BCL11B: variants seen among roughly 807,000 people sequenced by gnomAD.
The protein encoded by BCL11B is BCL11 transcription factor B, also known as B-cell lymphoma/leukemia 11B.
Under a neutral mutation model 49.9 loss-of-function variants are expected in BCL11B, and 8 were observed. The ratio of observed to expected loss-of-function variants is 0.16; its 90% CI spans 0.09 to 0.29. The LOEUF (loss-of-function observed/expected upper bound fraction) is 0.29. Ranked by LOEUF, BCL11B falls within the 10% of genes least tolerant of loss-of-function variation. BCL11B has a pLI of 1.00. For synonymous variants in BCL11B, 739 were observed against 637.4 expected, an observed-to-expected ratio of 1.16 and a Z score of -2.40; for missense variants, 1,006 against 1,351.0, an observed-to-expected ratio of 0.74 and a Z score of 4.00.
At chr14:99,216,433 T>C (rs1887836587) in intron 3 of BCL11B, among the ~76,000 whole-genome samples, 1 of 152,206 alleles carries the variant, frequency 6.6e-6, no homozygotes, top group Non-Finnish European at 1.5e-5. Flanking sequence ...GAGTCGGGAT[T>C]TGAACCCAGC....
In BCL11B at chr14:99,174,932, T is replaced by C. The variant is rs1056645820; in HGVS notation, c.1904A>G (p.Asp635Gly). Residue 635 changes from aspartate to glycine, a missense_variant, in exon 4 of 4, where the codon GAC becomes GGC. By Grantham distance (94) the Asp-to-Gly change is moderately conservative. Coordinates refer to ENST00000357195, the MANE Select transcript of BCL11B (RefSeq NM_138576.4). The part of the protein sequence containing the change: ...KRAAGGGDAG[D>G]DDDAGGCGDA... ...CCCGCAGCCGCCCGCGTCGTCGTCG[T>C]CGCCCGCGTCCCCGCCGCCCGCCGC... 55 of 1,330,534 alleles carry C rather than the reference T, an allele frequency of 4.1e-5. No homozygotes were observed. The highest frequency in any genetic ancestry group is 4.7e-5 in the Non-Finnish European group (49 of 1,036,230). 82.4% of individuals were successfully genotyped at this position (1,330,534 alleles called of 1,614,324 possible). A position where few individuals can be genotyped will look rare whatever the true frequency, so the allele number is the denominator to read the frequency against.
intron 2 of BCL11B, among the ~76,000 whole-genome samples, chr14:99,237,395 G>A (rs1014348225): frequency 6.6e-6 from 1 of 152,154 alleles, no homozygotes. Flanking sequence ...ACCATGAAAA[G>A]CTGCAAGTCT....
At position 99,222,558 on chromosome 14, in the gene BCL11B, T is replaced by C. The variant is rs971734664; in HGVS notation, c.640+8787A>G. On this transcript the variant is annotated intron_variant, in intron 3 of 3. Transcript: ENST00000357195. ...AACCCCAAAACCCAATTTGAGGTGA[T>C]CCGATGAGAAAATCTCGCTCATGCT... 2.7e-4 allele frequency among the ~76,000 whole-genome samples: 41 copies of C among 152,302 alleles called. 1 individual carries two copies. The highest frequency in any genetic ancestry group is 1.7e-3 in the Admixed American group (26 of 15,310).
In BCL11B at chr14:99,203,530, C is replaced by T. The variant is rs78304569; in HGVS notation, c.641-27335G>A. 4.2e-3 allele frequency among the ~76,000 whole-genome samples: 639 copies of T among 152,288 alleles called. 17 individuals are homozygous for T. In the East Asian group the frequency reaches 0.083, roughly 20 times the overall value. Reference sequence around the variant, plus strand: ...AGGATGAAGAAAGGAGAAGTGGGTTCGGAATGGGTCCACTGGCTGAGCAGC... The same window carrying T: ...AGGATGAAGAAAGGAGAAGTGGGTTTGGAATGGGTCCACTGGCTGAGCAGC... On this transcript the variant is annotated intron_variant, in intron 3 of 3. Transcript: ENST00000357195.
intron 3 of BCL11B, among the ~76,000 whole-genome samples, chr14:99,180,889 G>T (rs756401353): frequency 1.3e-5 from 2 of 152,114 alleles, no homozygotes; most frequent in Non-Finnish European, 2.9e-5. Context: ...TTTTTATTAT[G>T]ATGCTTGGGA....
At chr14:99,208,218 G>T (rs1353717271) in intron 3 of BCL11B, among the ~76,000 whole-genome samples, 1 of 152,138 alleles carries the variant, frequency 6.6e-6, no homozygotes, top group Non-Finnish European at 1.5e-5. Flanking sequence ...TTGTCCTTTG[G>T]AGTGGCACAA....
chr14:99,237,899 G>T (rs1888551323), intron 2 of BCL11B, among the ~76,000 whole-genome samples: 1 of 152,134 alleles, frequency 6.6e-6, no homozygotes, highest in Non-Finnish European at 1.5e-5. Context: ...GGCCCTAATG[G>T]ATCCAGAGAG....
rs1298473777 is a variant in BCL11B at position 99,247,355 on chromosome 14, G to A, written c.427+10116C>T. ...AGAAAAGAACCCGCTCCAGCCCCAGGAAAACTTAGTTTTGCTGGGTTTACC... is the reference window on the plus strand; with the variant it reads ...AGAAAAGAACCCGCTCCAGCCCCAGAAAAACTTAGTTTTGCTGGGTTTACC... On this transcript the variant is annotated intron_variant, in intron 2 of 3. Transcript: ENST00000357195. This position sits in a 1 kb window ranked among gnomAD's most constrained non-coding sequence, Gnocchi z 4.5. Among the ~76,000 whole-genome samples the A allele has an allele frequency of 6.6e-6, 1 of 152,174 alleles. No homozygotes were observed. Among genetic ancestry groups the A allele is most frequent in the East Asian group, 1.9e-4 (1 of 5,190 alleles).
chr14:99,240,731 G>A (rs1213302053), intron 2 of BCL11B, among the ~76,000 whole-genome samples: 6 of 152,314 alleles, frequency 3.9e-5, no homozygotes, highest in Admixed American at 6.5e-5. Context: ...TAGCGGTGAC[G>A]TGCAGTGCGT....
Position 99,271,223 on chromosome 14 carries a change from C to A in BCL11B, c.-5G>T. On this transcript the variant is annotated 5_prime_UTR_variant, in exon 1 of 4. Coordinates refer to ENST00000357195, the MANE Select transcript of BCL11B (RefSeq NM_138576.4). ...GCCCTGTTTGCGGCGGGACATTGCCCCGGCATCTATTCTGGCATCGCCCGG... is the reference window on the plus strand; with the variant it reads ...GCCCTGTTTGCGGCGGGACATTGCCACGGCATCTATTCTGGCATCGCCCGG... The A allele has an allele frequency of 6.6e-7, 1 of 1,524,938 alleles. No individual in the cohort carries two copies. Among genetic ancestry groups the A allele is most frequent in the Non-Finnish European group, 8.8e-7 (1 of 1,141,080 alleles). The allele number at this position is 1,524,938 out of a possible 1,614,324, so 94.5% of individuals were successfully genotyped here.
rs1886488700 is a variant in BCL11B, at chr14:99,175,643, C to T, written c.1193G>A (p.Ser398Asn). The T allele has an allele frequency of 6.4e-7, 1 of 1,560,686 alleles. No individual in the cohort carries two copies. The highest frequency in any genetic ancestry group is 8.6e-7 in the Non-Finnish European group (1 of 1,162,930). ...MHRLLNPFQP[S>N]PKSPFLSTPP... ...CGTGCTCAGGAACGGGGACTTGGGG[C>T]TGGGCTGGAAGGGGTTCAGGAGCCG... The change falls in exon 4 of 4, where the codon AGC (serine) becomes AAC (asparagine). Residue 398 changes from serine to asparagine, a missense_variant. This residue lies in a region of BCL11B where 97 missense variants were observed against 81.5 expected (regional missense o/e 1.19). Coordinates refer to ENST00000357195, the MANE Select transcript of BCL11B (RefSeq NM_138576.4).
intron 3 of BCL11B, among the ~76,000 whole-genome samples, chr14:99,212,986 A>G (rs1887730481): frequency 6.6e-6 from 1 of 152,172 alleles, no homozygotes; most frequent in African/African-American, 2.4e-5. Context: ...CTGGGAGGAT[A>G]AAATAACATC....
rs759599743 is a variant in BCL11B, at chr14:99,199,683, T to TGTGTGTGTGTGC, written c.641-23489_641-23488insGCACACACACAC. Among the ~76,000 whole-genome samples the TGTGTGTGTGTGC allele has an allele frequency of 1.2e-4, 9 of 73,742 alleles. No individual in the cohort carries two copies. In the South Asian group the frequency reaches 1.7e-3, roughly 14 times the overall value. 48.4% of individuals were successfully genotyped at this position (73,742 alleles called of 152,430 possible). A position where few individuals can be genotyped will look rare whatever the true frequency, so the allele number is the denominator to read the frequency against. On this transcript the variant is annotated intron_variant, in intron 3 of 3. Coordinates refer to ENST00000357195, the MANE Select transcript of BCL11B (RefSeq NM_138576.4). Reference sequence around the variant, plus strand: ...GTGTGTGTGTGTGTGTGTGTGTGTGTGCGCGCGCGCGCGCACGTGCACGTG... The same window carrying TGTGTGTGTGTGC: ...GTGTGTGTGTGTGTGTGTGTGTGTGTGTGTGTGTGTGCGCGCGCGCGCGCGCACGTGCACGTG...
chr14:99,219,300 C>T (rs921653905), intron 3 of BCL11B, among the ~76,000 whole-genome samples: 1 of 152,168 alleles, frequency 6.6e-6, no homozygotes, highest in African/African-American at 2.4e-5. Context: ...TCCCAAAGTG[C>T]TGGGATTACA....
intron 3 of BCL11B, among the ~76,000 whole-genome samples, chr14:99,221,922 C>T (rs1566816770): frequency 2.0e-5 from 3 of 152,172 alleles, no homozygotes; most frequent in Non-Finnish European, 4.4e-5. Flanking sequence ...GAAGGAAGAC[C>T]TGGGGGATCC....
intron 2 of BCL11B, among the ~76,000 whole-genome samples, chr14:99,245,415 C>T (rs79680337): frequency 6.6e-6 from 1 of 152,366 alleles, no homozygotes; most frequent in East Asian, 1.9e-4. Flanking sequence ...TTCTCCCACT[C>T]GGAAAGAAAC....
chr14:99,173,970 A>C lies in BCL11B; in HGVS notation c.*181T>G. The stretch of plus-strand genomic sequence containing the variant: ...AAGGCTCCACAATTTGTACTGCCTT[A>C]ATCAACCCTCGGGTTTCCATAGGAC... On this transcript the variant is annotated 3_prime_UTR_variant, in exon 4 of 4. Transcript: ENST00000357195. The C allele has an allele frequency of 1.6e-6, 1 of 613,948 alleles. No homozygotes were observed. 38.0% of individuals were successfully genotyped at this position (613,948 alleles called of 1,614,324 possible). A position where few individuals can be genotyped will look rare whatever the true frequency, so the allele number is the denominator to read the frequency against.
At chr14:99,189,355 G>A (rs537770540) in intron 3 of BCL11B, among the ~76,000 whole-genome samples, 1 of 152,344 alleles carries the variant, frequency 6.6e-6, no homozygotes, top group South Asian at 2.1e-4. Flanking sequence ...AACATCAGAG[G>A]ACTCTAAGAT....
chr14:99,179,782 T>A (rs1886648090), intron 3 of BCL11B, among the ~76,000 whole-genome samples: 1 of 152,126 alleles, frequency 6.6e-6, no homozygotes, highest in Non-Finnish European at 1.5e-5. Flanking sequence ...TAGACAACTT[T>A]CTTTCCAGTC....
Sources: allele counts gnomAD v4.1 joint callset (sites outside exome capture counted in the v4.1 genomes callset), GRCh38; gene constraint gnomAD v4.1.1; regional missense constraint gnomAD v4.1.1; non-coding constraint Gnocchi (gnomAD v3.1); transcripts MANE v1.5; gene names NCBI Gene and HGNC (gene_info 2026-07-23, HGNC 2026-07-21).